LRRC4C: variants seen among roughly 807,000 people sequenced by gnomAD.
The protein encoded by LRRC4C is leucine-rich repeat-containing protein 4C.
LRRC4C carries 5 observed loss-of-function variants against 33.6 expected under a neutral mutation model. The observed-to-expected ratio is 0.15, with a 90% CI of 0.08 to 0.31. The LOEUF is 0.31. Among genes scored for constraint, LRRC4C ranks in the 10% least tolerant of loss-of-function variants. LRRC4C has a pLI of 1.00. For missense variants in LRRC4C, 560 were observed against 796.7 expected, an observed-to-expected ratio of 0.70 and a Z score of 3.58; for synonymous variants, 329 against 302.0, an observed-to-expected ratio of 1.09 and a Z score of -0.93.
intron 1 of LRRC4C, among the ~76,000 whole-genome samples, chr11:41,421,760 T>C (rs1954879552): frequency 6.6e-6 from 1 of 152,040 alleles, no homozygotes; most frequent in South Asian, 2.1e-4. Flanking sequence ...CAAGTCTTCA[T>C]TCTTAAAACT....
chr11:40,184,879 G>T (rs1590646441), intron 5 of LRRC4C, among the ~76,000 whole-genome samples: 1 of 152,218 alleles, frequency 6.6e-6, no homozygotes, highest in African/African-American at 2.4e-5. Context: ...AGGACAGCTT[G>T]TGCTCACAGG....
intron 1 of LRRC4C, among the ~76,000 whole-genome samples, chr11:41,370,565 T>A (rs954561799): frequency 1.3e-5 from 2 of 152,142 alleles, no homozygotes; most frequent in Admixed American, 6.5e-5. Flanking sequence ...GCCGCCACCA[T>A]GTAAGAAGCG....
intron 2 of LRRC4C, among the ~76,000 whole-genome samples, chr11:40,899,944 C>A (rs1044719705): frequency 1.3e-5 from 2 of 152,036 alleles, no homozygotes; most frequent in African/African-American, 2.4e-5. Flanking sequence ...CTGGAGAGTA[C>A]CTTAAGACTA....
chr11:40,346,904 C>T (rs922079932), intron 3 of LRRC4C, among the ~76,000 whole-genome samples: 11 of 152,114 alleles, frequency 7.2e-5, no homozygotes, highest in African/African-American at 1.2e-4. Flanking sequence ...CTTTGTCATT[C>T]CATTAATGAA....
At chr11:40,898,835 G>A (rs996049267) in intron 2 of LRRC4C, among the ~76,000 whole-genome samples, 1 of 151,616 alleles carries the variant, frequency 6.6e-6, no homozygotes, top group East Asian at 1.9e-4. Context: ...GCAGTAATAG[G>A]GTCCCTAAGC....
rs569431753 is a variant in LRRC4C at position 41,024,291 on chromosome 11, A to G, written c.-495-90568T>C. ...AACAGTAGCTACGCAGCTCAACTCA[A>G]GAAGAATAACCTGGATAATATTTCA... is the stretch of plus-strand genomic sequence containing the variant. On this transcript the variant is annotated intron_variant, in intron 1 of 6. Coordinates refer to ENST00000528697, the MANE Select transcript of LRRC4C (RefSeq NM_001258419.2). Among the ~76,000 whole-genome samples the G allele has an allele frequency of 4.0e-5, 6 of 151,898 alleles. No individual in the cohort carries two copies. The East Asian group carries it at 1.2e-3, about 29-fold the overall frequency.
intron 1 of LRRC4C, among the ~76,000 whole-genome samples, chr11:41,389,418 AACAC>A (rs1259497462): frequency 1.3e-5 from 2 of 151,790 alleles, no homozygotes; most frequent in South Asian, 2.1e-4. Flanking sequence ...GAACAAATAA[AACAC>A]ACAGCGACTA....
chr11:41,181,618 T>C (rs1565457463), intron 1 of LRRC4C, among the ~76,000 whole-genome samples: 1 of 152,178 alleles, frequency 6.6e-6, no homozygotes, highest in African/African-American at 2.4e-5. Flanking sequence ...TTAATGGATA[T>C]CCTCAGAGTA....
At chr11:41,341,088 C>T (rs989165587) in intron 1 of LRRC4C, among the ~76,000 whole-genome samples, 2 of 151,244 alleles carry the variant, frequency 1.3e-5, no homozygotes, top group African/African-American at 4.8e-5. Context: ...AGCAGCTTTA[C>T]CTATATGTGA....
intron 3 of LRRC4C, among the ~76,000 whole-genome samples, chr11:40,564,558 G>A (rs762008425): frequency 6.6e-6 from 1 of 152,070 alleles, no homozygotes; most frequent in Non-Finnish European, 1.5e-5. Context: ...GGGAGTGATG[G>A]GGATTGCGCC....
chr11:40,417,327 T>A (rs5005463), intron 3 of LRRC4C, among the ~76,000 whole-genome samples: 50,782 of 151,550 alleles, frequency 0.34, 9,787 homozygotes, highest in East Asian at 0.47. Flanking sequence ...ATGATTTTTT[T>A]TTTATTTATT....
intron 3 of LRRC4C, among the ~76,000 whole-genome samples, chr11:40,494,780 C>T (rs925981499): frequency 1.3e-5 from 2 of 152,148 alleles, no homozygotes; most frequent in African/African-American, 4.8e-5. Flanking sequence ...GCAGCTGCTA[C>T]ACAGCTTTTT....
Position 40,231,044 on chromosome 11 carries a change from T to C in LRRC4C, c.-96+10475A>G, listed in dbSNP as rs1358370768. Among the ~76,000 whole-genome samples the C allele has an allele frequency of 4.6e-5, 7 of 152,210 alleles. No individual in the cohort carries two copies. In the South Asian group the frequency reaches 1.2e-3, roughly 27 times the overall value. On this transcript the variant is annotated intron_variant, in intron 5 of 6. Coordinates refer to ENST00000528697, the MANE Select transcript of LRRC4C (RefSeq NM_001258419.2). ...GAGTTCCAGTAAATATTTGTTTAAA[T>C]AACAAGGAATGAATGAGTACACGTG... is the stretch of plus-strand genomic sequence containing the variant.
intron 2 of LRRC4C, among the ~76,000 whole-genome samples, chr11:40,750,554 A>T (rs1948636539): frequency 6.6e-6 from 1 of 150,876 alleles, no homozygotes; most frequent in Non-Finnish European, 1.5e-5. Flanking sequence ...TATTGCAAGG[A>T]CAAGAAACCA....
At chr11:41,190,035 A>G (rs2136205147) in intron 1 of LRRC4C, among the ~76,000 whole-genome samples, 1 of 152,348 alleles carries the variant, frequency 6.6e-6, no homozygotes, top group Middle Eastern at 3.4e-3. Context: ...ACAGCAGAAA[A>G]CAGGGAAATT....
chr11:40,430,507 T>C (rs1950878433), intron 3 of LRRC4C, among the ~76,000 whole-genome samples: 1 of 152,128 alleles, frequency 6.6e-6, no homozygotes, highest in South Asian at 2.1e-4. Flanking sequence ...AAGATTTACA[T>C]GGTCAGACGA....
intron 1 of LRRC4C, among the ~76,000 whole-genome samples, chr11:41,445,248 C>A (rs1353953391): frequency 1.3e-5 from 2 of 152,178 alleles, no homozygotes; most frequent in Non-Finnish European, 2.9e-5. Context: ...AATGAAAACA[C>A]TGTAATCTCT....
intron 3 of LRRC4C, among the ~76,000 whole-genome samples, chr11:40,618,944 T>C (rs543043062): frequency 6.6e-6 from 1 of 151,874 alleles, no homozygotes; most frequent in South Asian, 2.1e-4. Flanking sequence ...ATATAGAGGT[T>C]GAATGTCATC....
chr11:40,167,553 T>G (rs967315694), intron 5 of LRRC4C, among the ~76,000 whole-genome samples: 1 of 152,122 alleles, frequency 6.6e-6, no homozygotes, highest in East Asian at 1.9e-4. Context: ...TTTTCCACTT[T>G]GGGATTTTTT....
Sources: gnomAD v4.1 joint callset for allele counts (sites outside exome capture counted in the v4.1 genomes callset) on GRCh38, gnomAD v4.1.1 for gene constraint, MANE v1.5 for transcripts, NCBI Gene and HGNC (gene_info 2026-07-23, HGNC 2026-07-21) for gene names.